Variants in ZFAND3 observed in about 807,000 individuals in gnomAD.
ZFAND3 encodes AN1-type zinc finger protein 3.
In ZFAND3, 10 loss-of-function variants were observed where a neutral mutation model predicts 29.6. The ratio of observed to expected loss-of-function variants is 0.34; its 90% CI spans 0.21 to 0.57. The LOEUF (loss-of-function observed/expected upper bound fraction) is 0.57. Among genes scored for constraint, ZFAND3 ranks in the 20% least tolerant of loss-of-function variants. ZFAND3 has a pLI of 0.86. For synonymous variants in ZFAND3, 128 were observed against 112.6 expected (o/e 1.14, Z -0.87); for missense variants, 230 against 304.5 (o/e 0.76, Z 1.82).
chr6:38,041,631 T>TTTCTTCTTCTTCTTCTTCTTCTTC (rs1193585476), intron 2 of ZFAND3, among the ~76,000 whole-genome samples: 1 of 56,196 alleles, frequency 1.8e-5, no homozygotes, highest in African/African-American at 5.5e-5. Context: ...TTATCTACTT[T>TTTCTTCTTCTTCTTCTTCTTCTTC]TTCTTCTTCT....
intron 1 of ZFAND3, among the ~76,000 whole-genome samples, chr6:37,896,850 C>T (rs6906289): frequency 0.22 from 33,789 of 151,492 alleles, 4,781 homozygotes; most frequent in African/African-American, 0.39. Context: ...TAAAGCCAAC[C>T]GAGACTGAGA....
At chr6:38,050,621 G>A (rs979374420) in intron 2 of ZFAND3, among the ~76,000 whole-genome samples, 2 of 152,110 alleles carry the variant, frequency 1.3e-5, no homozygotes, top group African/African-American at 4.8e-5. Flanking sequence ...CTTCTGCCAT[G>A]ATTCTAAGTT....
At chr6:37,856,050 G>C (rs1764377258) in intron 1 of ZFAND3, among the ~76,000 whole-genome samples, 1 of 151,022 alleles carries the variant, frequency 6.6e-6, no homozygotes, top group Non-Finnish European at 1.5e-5. Flanking sequence ...TTTGAGACAG[G>C]GTCTCACTGT....
intron 4 of ZFAND3, among the ~76,000 whole-genome samples, chr6:38,116,108 A>G (rs771756111): frequency 1.3e-5 from 2 of 152,216 alleles, no homozygotes; most frequent in African/African-American, 2.4e-5. Context: ...TGGAATTGTG[A>G]AAGCATAGTG....
intron 2 of ZFAND3, chr6:38,003,859 G>A: frequency 2.3e-6 from 1 of 440,178 alleles, no homozygotes; most frequent in Non-Finnish European, 4.6e-6. Context: ...TGCCTTCAGG[G>A]AACCCCTCAA....
chr6:38,034,073 G>A (rs1265819001), intron 2 of ZFAND3, among the ~76,000 whole-genome samples: 1 of 152,130 alleles, frequency 6.6e-6, no homozygotes, highest in Admixed American at 6.5e-5. Flanking sequence ...AAAAGTGGTA[G>A]TACAATGTTG....
chr6:37,849,364 G>C (rs759990088), intron 1 of ZFAND3, among the ~76,000 whole-genome samples: 1 of 152,048 alleles, frequency 6.6e-6, no homozygotes, highest in African/African-American at 2.4e-5. Flanking sequence ...GATGAATTGC[G>C]TCATATAATA....
chr6:38,066,594 T>C (rs1764350334), intron 3 of ZFAND3, among the ~76,000 whole-genome samples: 1 of 152,196 alleles, frequency 6.6e-6, no homozygotes, highest in East Asian at 1.9e-4. Context: ...AGTGCTACAT[T>C]TTGTTTGGGG....
chr6:37,990,786 A>T (rs186885271), intron 2 of ZFAND3, among the ~76,000 whole-genome samples: 59 of 152,352 alleles, frequency 3.9e-4, no homozygotes, highest in African/African-American at 1.3e-3. Context: ...TAATAGCCAC[A>T]TGTGGCCAAT....
chr6:37,821,162 G>C (rs1236221481), intron 1 of ZFAND3, among the ~76,000 whole-genome samples: 1 of 152,222 alleles, frequency 6.6e-6, no homozygotes, highest in Non-Finnish European at 1.5e-5. Flanking sequence ...TGTAGGAATG[G>C]TTAACAGAAA....
intron 2 of ZFAND3, among the ~76,000 whole-genome samples, chr6:37,955,035 C>G (rs999815439): frequency 6.6e-6 from 1 of 152,098 alleles, no homozygotes; most frequent in East Asian, 1.9e-4. Context: ...GCTAAATACT[C>G]CAAGGGAGCC....
At chr6:38,004,762 AT>A (rs1206453676) in intron 2 of ZFAND3, among the ~76,000 whole-genome samples, 1 of 152,200 alleles carries the variant, frequency 6.6e-6, no homozygotes, top group African/African-American at 2.4e-5. Context: ...TCGAGAGATA[AT>A]TCTCAACCTT....
intron 1 of ZFAND3, among the ~76,000 whole-genome samples, chr6:37,874,514 C>CAAAA (rs11447694): frequency 7.5e-4 from 60 of 79,752 alleles, no homozygotes; most frequent in African/African-American, 2.5e-3. Flanking sequence ...AACTCCGTCT[C>CAAAA]AAAAAAAAAA....
At chr6:38,137,916 G>C (rs562082352) in intron 5 of ZFAND3, among the ~76,000 whole-genome samples, 1 of 152,160 alleles carries the variant, frequency 6.6e-6, no homozygotes, top group East Asian at 1.9e-4. Flanking sequence ...GGGATCAGTC[G>C]GGGGCTTGCA....
At chr6:38,003,608 C>T (rs1762990081) in intron 2 of ZFAND3, 1 of 271,124 alleles carries the variant, frequency 3.7e-6, no homozygotes, top group South Asian at 3.1e-5. Flanking sequence ...TAGCAATCCT[C>T]CCACTTCAGC....
In ZFAND3 at chr6:37,930,717, CT is replaced by C. The variant is rs58579932; in HGVS notation, c.112+722del. Among the ~76,000 whole-genome samples the C allele has an allele frequency of 1.4e-3, 218 of 152,228 alleles. 1 individual carries two copies. The highest frequency in any genetic ancestry group is 4.4e-3 in the African/African-American group (181 of 41,524). On this transcript the variant is annotated intron_variant, in intron 2 of 5. Transcript: ENST00000287218. ...TTATGACTCCTTCATGAAGTTGAAACTTTTAGGTCTTTTTATTTTTACTTTT... is the reference window on the plus strand; with the variant it reads ...TTATGACTCCTTCATGAAGTTGAAACTTTAGGTCTTTTTATTTTTACTTTT...
At chr6:37,910,934 A>G (rs1055352150) in intron 1 of ZFAND3, among the ~76,000 whole-genome samples, 5 of 152,146 alleles carry the variant, frequency 3.3e-5, no homozygotes, top group African/African-American at 9.7e-5. Context: ...CATTTTATCC[A>G]TGCATCCATT....
At chr6:37,913,629 A>C (rs1353659648) in intron 1 of ZFAND3, among the ~76,000 whole-genome samples, 1 of 152,016 alleles carries the variant, frequency 6.6e-6, no homozygotes, top group Non-Finnish European at 1.5e-5. Context: ...AGATGTTCTT[A>C]AGGGCAACTA....
chr6:38,092,009 T>C (rs1269113445), intron 4 of ZFAND3, among the ~76,000 whole-genome samples: 2 of 152,110 alleles, frequency 1.3e-5, no homozygotes, highest in Non-Finnish European at 2.9e-5. Flanking sequence ...TTTTCCTGCT[T>C]GCTCATCTGT....
Sources: gnomAD v4.1 joint callset for allele counts (sites outside exome capture counted in the v4.1 genomes callset) on GRCh38, gnomAD v4.1.1 for gene constraint, MANE v1.5 for transcripts, NCBI Gene and HGNC (gene_info 2026-07-23, HGNC 2026-07-21) for gene names.